The following MPP7 variants were observed in gnomAD, a reference collection of about 807,000 sequenced individuals.
MPP7 encodes MAGUK p55 subfamily member 7.
Under a neutral mutation model 76.5 loss-of-function variants are expected in MPP7, and 60 were observed. That is an observed-to-expected ratio of 0.78 (90% CI 0.64 to 0.97). The LOEUF is 0.97. Ranked by LOEUF, MPP7 falls within the 50% of genes least tolerant of loss-of-function variation. The pLI is 0.00. For synonymous variants in MPP7, 237 were observed against 244.5 expected (o/e 0.97, Z 0.29); for missense variants, 641 against 694.0 (o/e 0.92, Z 0.86).
chr10:28,238,440 T>A (rs1366130626), intron 2 of MPP7, 128 bp downstream of exon 2: 3 of 940,400 alleles, frequency 3.2e-6, no homozygotes. Flanking sequence ...GTTGATCTTA[T>A]GTCCCTAGTG....
At chr10:28,209,096 T>A (rs1447660231) in intron 2 of MPP7, among the ~76,000 whole-genome samples, 1 of 152,004 alleles carries the variant, frequency 6.6e-6, no homozygotes, top group African/African-American at 2.4e-5. Context: ...TGAGGCCTCC[T>A]CAGAAGCAGA....
At chr10:28,212,353 G>A (rs1216869640) in intron 2 of MPP7, among the ~76,000 whole-genome samples, 1 of 152,144 alleles carries the variant, frequency 6.6e-6, no homozygotes, top group East Asian at 1.9e-4. Flanking sequence ...CTGACTGAAT[G>A]AGGGACATGG....
At chr10:28,196,851 C>T (rs1024575786) in intron 3 of MPP7, among the ~76,000 whole-genome samples, 6 of 152,192 alleles carry the variant, frequency 3.9e-5, no homozygotes, top group African/African-American at 1.4e-4. Flanking sequence ...ATGTCCCATC[C>T]AGTCTTCACT....
intron 12 of MPP7, among the ~76,000 whole-genome samples, chr10:28,072,542 C>T (rs184613855): frequency 6.6e-6 from 1 of 152,332 alleles, no homozygotes; most frequent in Admixed American, 6.5e-5. Flanking sequence ...CAGTCCTGCC[C>T]CTGTGGAAAC....
chr10:28,310,707 C>T (rs1204372042), intron 2 of MPP7, among the ~76,000 whole-genome samples: 1 of 152,208 alleles, frequency 6.6e-6, no homozygotes. Context: ...CAAATGCACA[C>T]ACCTGGATCT....
chr10:28,314,033 C>T (rs1385086676), intron 2 of MPP7, among the ~76,000 whole-genome samples: 1 of 151,980 alleles, frequency 6.6e-6, no homozygotes, highest in Non-Finnish European at 1.5e-5. Flanking sequence ...CTAAGAGCTT[C>T]CATGCTGTTT....
At chr10:28,057,968 C>T in intron 15 of MPP7, 1 of 866,816 alleles carries the variant, frequency 1.2e-6, no homozygotes. Context: ...AATGGAGTTT[C>T]CAGGATGACA....
At chr10:28,305,956 G>A (rs184049810), upstream of MPP7, 1 of 152,330 alleles carries the variant, frequency 6.6e-6, no homozygotes, top group Non-Finnish European at 1.5e-5. Context: ...AGCCCTTTTA[G>A]GATAGTAACG....
intron 2 of MPP7, among the ~76,000 whole-genome samples, chr10:28,223,272 G>A (rs774829169): frequency 1.3e-5 from 2 of 152,126 alleles, no homozygotes; most frequent in African/African-American, 2.4e-5. Context: ...AGCGAGGATG[G>A]GCATTTTCCA....
At chr10:28,296,080 G>A (rs934636697) in intron 1 of MPP7, among the ~76,000 whole-genome samples, 1 of 152,160 alleles carries the variant, frequency 6.6e-6, no homozygotes, top group African/African-American at 2.4e-5. Flanking sequence ...AGATTAAGGA[G>A]TACTTAGTCC....
chr10:28,161,218 C>T (rs7081423), intron 3 of MPP7, among the ~76,000 whole-genome samples: 138,364 of 152,208 alleles, frequency 0.91, 62,946 homozygotes, highest in South Asian at 0.95. Flanking sequence ...TAAAATGCTA[C>T]TCTATATTGC....
In MPP7 at chr10:28,217,537, A is replaced by AAAAAGAAAAGAAAAGAAAAG. The variant is rs3064105; in HGVS notation, c.38-15286_38-15267dup. Among the ~76,000 whole-genome samples, 489 of 138,176 alleles carry AAAAAGAAAAGAAAAGAAAAG rather than the reference A, an allele frequency of 3.5e-3. 2 individuals carry two copies. Among genetic ancestry groups the AAAAAGAAAAGAAAAGAAAAG allele is most frequent in the Non-Finnish European group, 4.7e-3 (311 of 65,520 alleles). The allele number at this position is 138,176 out of a possible 152,430, so 90.6% of individuals were successfully genotyped here. ...GTGAGACTCTGTCTCAAAAAAAAAA[A>AAAAAGAAAAGAAAAGAAAAG]AAAAGAAAAGAAAAGAAAAGAAAAG... On this transcript the variant is annotated intron_variant, in intron 2 of 16. Transcript: ENST00000683449.
chr10:28,150,865 G>A (rs1377769160), intron 3 of MPP7, among the ~76,000 whole-genome samples: 1 of 152,062 alleles, frequency 6.6e-6, no homozygotes, highest in Non-Finnish European at 1.5e-5. Flanking sequence ...GAAAAATCTA[G>A]CAGAAAGTTG....
chr10:28,083,529 CCT>C (rs1384356481), intron 12 of MPP7, among the ~76,000 whole-genome samples: 9 of 136,080 alleles, frequency 6.6e-5, no homozygotes, highest in African/African-American at 2.4e-4. Context: ...TGATTTTCTT[CCT>C]CTTTTTTTTT....
At chr10:28,307,096 C>T (rs1177986549), upstream of MPP7, among the ~76,000 whole-genome samples, 3 of 152,198 alleles carry the variant, frequency 2.0e-5, no homozygotes, top group Non-Finnish European at 2.9e-5. Context: ...CCAGAGAAGA[C>T]ACACTGGGCA....
chr10:28,323,972 G>A (rs1361121728), intron 2 of MPP7, among the ~76,000 whole-genome samples: 1 of 152,066 alleles, frequency 6.6e-6, no homozygotes, highest in Non-Finnish European at 1.5e-5. Context: ...AAAAATATCT[G>A]CCTTCATAAC....
chr10:28,272,980 C>T (rs544524090), intron 1 of MPP7, among the ~76,000 whole-genome samples: 3 of 152,174 alleles, frequency 2.0e-5, no homozygotes, highest in South Asian at 2.1e-4. Context: ...TGTAGTGGCG[C>T]GATCTCAGCT....
intron 12 of MPP7, among the ~76,000 whole-genome samples, chr10:28,085,944 G>C (rs1407339003): frequency 6.6e-6 from 1 of 152,170 alleles, no homozygotes; most frequent in Non-Finnish European, 1.5e-5. Flanking sequence ...ATACACCATG[G>C]AATACTATGC....
intron 12 of MPP7, among the ~76,000 whole-genome samples, chr10:28,083,001 T>G (rs1852834796): frequency 6.6e-6 from 1 of 152,204 alleles, no homozygotes; most frequent in Non-Finnish European, 1.5e-5. Context: ...GTAGGTGTTT[T>G]TATTATCTCA....
Sources: gnomAD v4.1 joint callset for allele counts (sites outside exome capture counted in the v4.1 genomes callset) on GRCh38, gnomAD v4.1.1 for gene constraint, MANE v1.5 for transcripts, NCBI Gene and HGNC (gene_info 2026-07-23, HGNC 2026-07-21) for gene names.